FGB: variants seen among roughly 807,000 people sequenced by gnomAD.
The protein encoded by FGB is fibrinogen beta chain.
FGB carries 25 observed loss-of-function variants against 57.9 expected under a neutral mutation model. The ratio of observed to expected loss-of-function variants is 0.43; its 90% CI spans 0.31 to 0.60. FGB has a LOEUF of 0.60. FGB is among the 20% of genes least tolerant of loss of function. The pLI, the probability that FGB is intolerant of heterozygous loss-of-function variation, is 0.08. For synonymous variants in FGB, 203 were observed against 199.2 expected (o/e 1.02, Z -0.16); for missense variants, 536 against 598.4 (o/e 0.90, Z 1.09).
chr4:154,566,715 T>C (rs1250288663), intron 3 of FGB, 43 bp downstream of exon 3: 4 of 1,576,810 alleles, frequency 2.5e-6, no homozygotes, highest in Non-Finnish European at 3.5e-6. Flanking sequence ...AGCTATAAAA[T>C]TGGAACCGTT....
At chr4:154,570,396 A>G in intron 7 of FGB, 23 bp from the exon 8 acceptor site, 1 of 1,587,902 alleles carries the variant, frequency 6.3e-7, no homozygotes, top group African/African-American at 1.3e-5. Context: ...GTTTCTAATA[A>G]CGCCAAACAC....
At chr4:154,570,199 AAC>A (rs1730360934) in intron 7 of FGB, among the ~76,000 whole-genome samples, 3 of 152,206 alleles carry the variant, frequency 2.0e-5, no homozygotes, top group African/African-American at 7.2e-5. Context: ...TAAAGTAACA[AAC>A]ACAGTCCCTA....
In FGB at chr4:154,569,666, T is replaced by A; in HGVS notation, c.1111T>A (p.Ser371Thr). The A allele has an allele frequency of 6.2e-7, 1 of 1,614,028 alleles. No homozygotes were observed. Among genetic ancestry groups the A allele is most frequent in the Non-Finnish European group, 8.5e-7 (1 of 1,179,996 alleles). The stretch of plus-strand genomic sequence containing the variant: ...GAATGAAGCCAACAAATACCAGATC[T>A]CAGTGAACAAATACAGAGGAACAGC... ...VQNEANKYQISVNKYRGTAGN... is the reference protein window; with the variant it reads ...VQNEANKYQITVNKYRGTAGN... Residue 371 changes from serine (S) to threonine (T), a missense_variant, in exon 7 of 8, where the codon TCA becomes ACA. Physicochemically the swap from Ser to Thr is moderately conservative, Grantham distance 58. Coordinates refer to ENST00000302068, the MANE Select transcript of FGB (RefSeq NM_005141.5).
chr4:154,564,271 T>C (rs2110755248), intron 1 of FGB, among the ~76,000 whole-genome samples: 1 of 152,176 alleles, frequency 6.6e-6, no homozygotes, highest in South Asian at 2.1e-4. Context: ...TTTAAGTATA[T>C]ACTTTCTTTA....
chr4:154,569,117 T>A, intron 5 of FGB, 65 bp from the exon 6 acceptor site: 2 of 1,559,818 alleles, frequency 1.3e-6, no homozygotes, highest in Non-Finnish European at 1.8e-6. Flanking sequence ...ATTCAGATAT[T>A]ATTTTCAAAG....
At chr4:154,566,065 G>A in intron 2 of FGB, 66 bp downstream of exon 2, 2 of 1,378,014 alleles carry the variant, frequency 1.5e-6, no homozygotes, top group Admixed American at 3.7e-5. Context: ...AGTCATGGCA[G>A]TCTGCTAATG....
chr4:154,563,576 G>T (rs1730037166), intron 1 of FGB, among the ~76,000 whole-genome samples: 1 of 151,834 alleles, frequency 6.6e-6, no homozygotes, highest in Non-Finnish European at 1.5e-5. Context: ...TTGTTACTGA[G>T]ATTACTATTT....
rs1368231341 is a variant in FGB, at chr4:154,563,085, T to C, written c.67T>C (p.Leu23=). ...KTMKHLLLLL[L]CVFLVKSQGV... Reference sequence around the variant, plus strand: ...CATGAAACATCTATTATTGCTACTATTGTGTGTTTTTCTAGTTAAGTCCCA... The same window carrying C: ...CATGAAACATCTATTATTGCTACTACTGTGTGTTTTTCTAGTTAAGTCCCA... Residue 23 remains leucine (L), a synonymous_variant, in exon 1 of 8, where the codon TTG becomes CTG. Transcript: ENST00000302068. 5.7e-6 allele frequency: 9 copies of C among 1,574,666 alleles called. No homozygotes were observed. Among genetic ancestry groups the C allele is most frequent in the South Asian group, 1.2e-5 (1 of 86,022 alleles).
chr4:154,566,021 G>A, intron 2 of FGB, 22 bp downstream of exon 2: 1 of 1,608,674 alleles, frequency 6.2e-7, no homozygotes, highest in Non-Finnish European at 8.5e-7. Context: ...GATGTTTCTT[G>A]CAGTGGTGGC....
At position 154,569,192 on chromosome 4, in the gene FGB, G is replaced by A; in HGVS notation, c.843G>A (p.Val281=). 1 of 1,614,098 alleles carries A rather than the reference G, an allele frequency of 6.2e-7. No homozygotes were observed. The change falls in exon 6 of 8, where the codon GTG becomes GTA. Residue 281 remains valine (V), a synonymous_variant. Coordinates refer to ENST00000302068, the MANE Select transcript of FGB (RefSeq NM_005141.5). ...DMNTENGGWT[V]IQNRQDGSVD... ...TTCTGTCAACCAAAGGATGGACAGT[G>A]ATTCAGAACCGTCAAGACGGTAGTG...
chr4:154,569,934 A>G, intron 7 of FGB, 135 bp downstream of exon 7: 1 of 849,970 alleles, frequency 1.2e-6, no homozygotes, highest in South Asian at 1.5e-5. Flanking sequence ...TTTATGCATC[A>G]CTCGAAAGCA....
chr4:154,568,288 T>C (rs1730255872), intron 4 of FGB, 93 bp from the exon 5 acceptor site: 2 of 772,454 alleles, frequency 2.6e-6, no homozygotes, highest in Admixed American at 1.7e-5. Flanking sequence ...CACTCCTTAG[T>C]AACTTATGTA....
Position 154,564,107 on chromosome 4 carries a change from T to C in FGB, c.114+975T>C, listed in dbSNP as rs541543169. ...TATTAGGTAAGAAAAATGTAAAGAA[T>C]GTGTAAGACGAAATTTTTGTAAAGT... On this transcript the variant is annotated intron_variant, in intron 1 of 7. Coordinates refer to ENST00000302068, the MANE Select transcript of FGB (RefSeq NM_005141.5). Among the ~76,000 whole-genome samples, 4 of 152,096 alleles carry C rather than the reference T, an allele frequency of 2.6e-5. No homozygotes were observed. The East Asian group carries it at 5.8e-4, about 22-fold the overall frequency.
At chr4:154,568,682 C>CAAA (rs1234971217) in intron 5 of FGB, among the ~76,000 whole-genome samples, 188 bp downstream of exon 5, 30 of 84,466 alleles carry the variant, frequency 3.6e-4, no homozygotes, top group African/African-American at 1.4e-3. Flanking sequence ...CCTAACTCTA[C>CAAA]AAAAAAAAAA....
At chr4:154,566,701 T>A in intron 3 of FGB, 29 bp downstream of exon 3, 1 of 1,608,138 alleles carries the variant, frequency 6.2e-7, no homozygotes, top group African/African-American at 1.3e-5. Flanking sequence ...TCCATTCGAT[T>A]TTCAGCTATA....
chr4:154,568,727 G>T (rs189766749), intron 5 of FGB, among the ~76,000 whole-genome samples: 108 of 150,836 alleles, frequency 7.2e-4, no homozygotes, highest in African/African-American at 2.6e-3. Context: ...CAGCTGTGTT[G>T]GTAGTATGTG....
chr4:154,569,741 A>T lies in FGB; in HGVS notation c.1186A>T (p.Thr396Ser). The T allele has an allele frequency of 6.2e-7, 1 of 1,614,192 alleles. No homozygotes were observed. The highest frequency in any genetic ancestry group is 8.5e-7 in the Non-Finnish European group (1 of 1,180,030). The part of the protein sequence containing the change: ...GASQLMGENR[T>S]MTIHNGMFFS... ...ATCTCAGCTGATGGGAGAAAACAGGACCATGACCATTCACAACGGCATGTT... is the reference window on the plus strand; with the variant it reads ...ATCTCAGCTGATGGGAGAAAACAGGTCCATGACCATTCACAACGGCATGTT... The change falls in exon 7 of 8, where the codon ACC becomes TCC. Residue 396 changes from threonine to serine, a missense_variant. By Grantham distance (58) the Thr-to-Ser change is moderately conservative (BLOSUM62 1). Coordinates refer to ENST00000302068, the MANE Select transcript of FGB (RefSeq NM_005141.5).
rs1730169857 is a variant in FGB at position 154,566,568 on chromosome 4, A to T, written c.386A>T (p.Glu129Val). 6.2e-7 allele frequency: 1 copy of T among 1,614,108 alleles called. No homozygotes were observed. The highest frequency in any genetic ancestry group is 1.1e-5 in the South Asian group (1 of 91,078). ...AGGCCAATCAGAAATAGTGTTGATG[A>T]GTTAAATAACAATGTGGAAGCTGTT... ...QERPIRNSVD[E>V]LNNNVEAVSQ... Residue 129 changes from glutamate to valine, a missense_variant, in exon 3 of 8, where the codon GAG becomes GTG. Transcript: ENST00000302068.
Position 154,572,623 on chromosome 4 carries a change from G to A in FGB, c.*1973G>A, listed in dbSNP as rs900478467. On this transcript the variant is annotated 3_prime_UTR_variant, in exon 8 of 8. Coordinates refer to ENST00000302068, the MANE Select transcript of FGB (RefSeq NM_005141.5). ...GGCCATTCCCGGATTCCTTAGCTTA[G>A]ACTCTGAACACATATTCTTCTTAGA... is the stretch of plus-strand genomic sequence containing the variant. Among the ~76,000 whole-genome samples the A allele has an allele frequency of 1.3e-4, 20 of 152,182 alleles. No individual in the cohort carries two copies. The highest frequency in any genetic ancestry group is 1.3e-3 in the Admixed American group (20 of 15,278).
Sources: gnomAD v4.1 joint callset for allele counts (sites outside exome capture counted in the v4.1 genomes callset) on GRCh38, gnomAD v4.1.1 for gene constraint, MANE v1.5 for transcripts, NCBI Gene and HGNC (gene_info 2026-07-23, HGNC 2026-07-21) for gene names.